Variants in MSRB3 observed in about 807,000 individuals in gnomAD.
The protein encoded by MSRB3 is methionine-R-sulfoxide reductase B3.
Under a neutral mutation model 21.0 loss-of-function variants are expected in MSRB3, and 13 were observed. The observed-to-expected ratio is 0.62, with a 90% confidence interval of 0.40 to 0.98. The LOEUF (loss-of-function observed/expected upper bound fraction) is 0.98. Among genes scored for constraint, MSRB3 ranks in the 50% least tolerant of loss-of-function variants. The pLI, the probability that MSRB3 is intolerant of heterozygous loss-of-function variation, is 0.00. For missense variants in MSRB3, 199 were observed against 230.3 expected, an observed-to-expected ratio of 0.86 and a Z score of 0.88; for synonymous variants, 87 against 88.6, an observed-to-expected ratio of 0.98 and a Z score of 0.10.
chr12:65,372,186 C>T (rs1878366794), intron 5 of MSRB3, among the ~76,000 whole-genome samples: 1 of 152,130 alleles, frequency 6.6e-6, no homozygotes, highest in Non-Finnish European at 1.5e-5. Flanking sequence ...AGGATCGTGG[C>T]ATTTTCATGT....
intron 5 of MSRB3, among the ~76,000 whole-genome samples, chr12:65,427,574 T>G (rs1881664541): frequency 6.6e-6 from 1 of 152,132 alleles, no homozygotes; most frequent in Non-Finnish European, 1.5e-5. Flanking sequence ...TAGTGTCTGA[T>G]GAGTGGTGCC....
chr12:65,407,780 T>C (rs1308567723), intron 5 of MSRB3, among the ~76,000 whole-genome samples: 1 of 152,220 alleles, frequency 6.6e-6, no homozygotes, highest in African/African-American at 2.4e-5. Flanking sequence ...TGGAGGTTTC[T>C]ATTGACCTTT....
chr12:65,391,729 A>T (rs1414849082), intron 5 of MSRB3, among the ~76,000 whole-genome samples: 1 of 152,202 alleles, frequency 6.6e-6, no homozygotes, highest in Non-Finnish European at 1.5e-5. Context: ...TTTTAAGGCT[A>T]GTTCACTAAA....
intron 5 of MSRB3, among the ~76,000 whole-genome samples, chr12:65,395,047 C>T (rs1165813020): frequency 6.6e-6 from 1 of 151,024 alleles, no homozygotes; most frequent in Non-Finnish European, 1.5e-5. Context: ...TGGTTCTAGC[C>T]AATTAGGCCA....
rs1871823378 is a variant in MSRB3 at position 65,278,877 on chromosome 12, C to A, written c.-52+12C>A. On this transcript the variant is annotated intron_variant, in intron 1 of 6. Transcript: ENST00000308259. ...AAGTGCGCAGTCCGGTAAGTTCGGG[C>A]TCCCCTCCCCTCTCCTCCTCGCCTC... is the stretch of plus-strand genomic sequence containing the variant. The A allele has an allele frequency of 1.3e-6, 2 of 1,552,060 alleles. No homozygotes were observed. The highest frequency in any genetic ancestry group is 1.2e-5 in the South Asian group (1 of 84,094).
intron 4 of MSRB3, among the ~76,000 whole-genome samples, chr12:65,351,729 C>T (rs1877009989): frequency 6.6e-6 from 1 of 150,878 alleles, no homozygotes; most frequent in African/African-American, 2.5e-5. Flanking sequence ...TGGATAAATT[C>T]CTCGACACAT....
At chr12:65,318,074 G>T (rs1874416515) in intron 2 of MSRB3, among the ~76,000 whole-genome samples, 1 of 151,934 alleles carries the variant, frequency 6.6e-6, no homozygotes, top group Admixed American at 6.6e-5. Context: ...TGATAAATTT[G>T]AGTGAAAAAG....
chr12:65,309,043 C>T, intron 2 of MSRB3: 1 of 243,342 alleles, frequency 4.1e-6, no homozygotes, highest in African/African-American at 2.2e-5. Context: ...CTTTTCATTC[C>T]ACATGTGGTC....
At chr12:65,300,542 A>T (rs1873260056) in intron 1 of MSRB3, among the ~76,000 whole-genome samples, 1 of 152,160 alleles carries the variant, frequency 6.6e-6, no homozygotes, top group South Asian at 2.1e-4. Flanking sequence ...AGGAGTTTGG[A>T]ATGTAGTAGA....
intron 1 of MSRB3, chr12:65,283,800 T>C (rs562473525): frequency 6.6e-6 from 1 of 152,332 alleles, no homozygotes; most frequent in African/African-American, 2.4e-5. Context: ...TTTCAGATAC[T>C]CTGATGCTTT....
intron 5 of MSRB3, among the ~76,000 whole-genome samples, chr12:65,371,946 A>C (rs1415810659): frequency 6.6e-6 from 1 of 152,206 alleles, no homozygotes; most frequent in Non-Finnish European, 1.5e-5. Flanking sequence ...AGTAGAAAGT[A>C]TAGTGTGATT....
chr12:65,359,158 A>G (rs566344983), intron 4 of MSRB3, among the ~76,000 whole-genome samples: 25 of 152,218 alleles, frequency 1.6e-4, no homozygotes, highest in Non-Finnish European at 3.4e-4. Context: ...AATGAGCTAC[A>G]TAGGACTCTC....
chr12:65,356,329 G>A (rs1208053489), intron 4 of MSRB3, among the ~76,000 whole-genome samples: 4 of 151,550 alleles, frequency 2.6e-5, no homozygotes, highest in African/African-American at 9.7e-5. Flanking sequence ...TTTTGCCTCG[G>A]GGCTGGGTCT....
At chr12:65,320,611 C>G (rs1391948052) in intron 2 of MSRB3, among the ~76,000 whole-genome samples, 2 of 152,112 alleles carry the variant, frequency 1.3e-5, no homozygotes, top group African/African-American at 4.8e-5. Context: ...AAAAGGATGA[C>G]TTTAAGTGGA....
At chr12:65,349,202 T>G (rs1876756581) in intron 4 of MSRB3, among the ~76,000 whole-genome samples, 1 of 152,130 alleles carries the variant, frequency 6.6e-6, no homozygotes, top group South Asian at 2.1e-4. Flanking sequence ...AATGATGATT[T>G]CCAGTTTCAT....
At chr12:65,306,996 T>C (rs1226982153) in intron 1 of MSRB3, 1 of 985,782 alleles carries the variant, frequency 1.0e-6, no homozygotes, top group African/African-American at 1.7e-5. Flanking sequence ...TGGTCAGCTG[T>C]GGAAGCACAG....
At chr12:65,304,172 A>G (rs1439493651) in intron 1 of MSRB3, among the ~76,000 whole-genome samples, 5 of 152,322 alleles carry the variant, frequency 3.3e-5, no homozygotes, top group South Asian at 2.1e-4. Flanking sequence ...AGCCATATCT[A>G]TTGAAGACTT....
At chr12:65,315,176 A>G (rs1874212557) in intron 2 of MSRB3, among the ~76,000 whole-genome samples, 2 of 152,200 alleles carry the variant, frequency 1.3e-5, no homozygotes, top group African/African-American at 4.8e-5. Flanking sequence ...GTAATTTAAC[A>G]TTCTTTAAAA....
intron 1 of MSRB3, 33 bp downstream of exon 1, chr12:65,278,898 G>T (rs778585099): frequency 6.5e-7 from 1 of 1,546,632 alleles, no homozygotes; most frequent in South Asian, 1.2e-5. Context: ...TCTCCTCCTC[G>T]CCTCACCCCT....
Sources: gnomAD v4.1 joint callset for allele counts (sites outside exome capture counted in the v4.1 genomes callset) on GRCh38, gnomAD v4.1.1 for gene constraint, MANE v1.5 for transcripts, NCBI Gene and HGNC (gene_info 2026-07-23, HGNC 2026-07-21) for gene names.